Variants in EFCAB5 observed in about 807,000 individuals in gnomAD.
EFCAB5 encodes EF-hand calcium binding domain 5.
A neutral mutation model predicts 167.9 loss-of-function variants in EFCAB5; 131 were observed. The ratio of observed to expected loss-of-function variants is 0.78; its 90% confidence interval spans 0.68 to 0.90. EFCAB5 has a LOEUF of 0.90. Ranked by LOEUF, EFCAB5 falls within the 40% of genes least tolerant of loss-of-function variation. The probability of loss-of-function intolerance (pLI) is 0.00; values close to 1 mark genes in which losing one functional copy is unlikely to be tolerated. For missense variants in EFCAB5, 1,663 were observed against 1,745.2 expected (o/e 0.95, Z 0.84); for synonymous variants, 574 against 602.8 (o/e 0.95, Z 0.70).
intron 3 of EFCAB5, among the ~76,000 whole-genome samples, chr17:29,951,383 GC>G (rs1397934451): frequency 1.3e-5 from 2 of 152,042 alleles, no homozygotes; most frequent in African/African-American, 4.8e-5. Context: ...TGTCTCCCAG[GC>G]TGGAGTGCAG....
chr17:30,072,543 A>C (rs1180723337), intron 14 of EFCAB5, among the ~76,000 whole-genome samples: 2 of 152,196 alleles, frequency 1.3e-5, no homozygotes, highest in Non-Finnish European at 2.9e-5. Context: ...GGAATAAAGA[A>C]TCTCTAAGAA....
chr17:30,045,838 A>AAAAT lies in EFCAB5; in HGVS notation c.1201-5260_1201-5257dup, dbSNP rs146756432. Among the ~76,000 whole-genome samples, 546 of 151,862 alleles carry AAAAT rather than the reference A, an allele frequency of 3.6e-3. 4 individuals are homozygous for AAAAT. Among genetic ancestry groups the AAAAT allele is most frequent in the African/African-American group, 0.013 (519 of 41,462 alleles). On this transcript the variant is annotated intron_variant, in intron 8 of 22. Transcript: ENST00000394835. The stretch of plus-strand genomic sequence containing the variant: ...AACATAGTGAGACCTGGTCTCTACA[A>AAAAT]AAATAAATAAATAAATAAATAAAAT...
chr17:30,055,322 G>GAGGAAGGAAGGAAGGA (rs71138869), intron 10 of EFCAB5, among the ~76,000 whole-genome samples: 76 of 106,818 alleles, frequency 7.1e-4, no homozygotes, highest in African/African-American at 2.5e-3. Flanking sequence ...GAGAGAGAGA[G>GAGGAAGGAAGGAAGGA]AGGAAGGAAG....
At chr17:30,001,668 T>C (rs1388689808) in intron 7 of EFCAB5, among the ~76,000 whole-genome samples, 2 of 152,150 alleles carry the variant, frequency 1.3e-5, no homozygotes, top group Non-Finnish European at 2.9e-5. Context: ...TAAAAGATAA[T>C]ATAAGTTCAT....
chr17:29,935,779 A>G (rs1359366709), intron 1 of EFCAB5, among the ~76,000 whole-genome samples: 2 of 151,940 alleles, frequency 1.3e-5, no homozygotes, highest in Non-Finnish European at 2.9e-5. Flanking sequence ...TTAGAAATTT[A>G]GAGGATTGGC....
chr17:30,056,248 T>A, intron 12 of EFCAB5, 92 bp downstream of exon 12: 1 of 1,167,554 alleles, frequency 8.6e-7, no homozygotes, highest in Non-Finnish European at 1.2e-6. Context: ...TGAATTTAGC[T>A]AAGGCAGAAT....
At chr17:30,036,576 T>G (rs1285772407) in intron 8 of EFCAB5, among the ~76,000 whole-genome samples, 4 of 151,508 alleles carry the variant, frequency 2.6e-5, no homozygotes, top group Non-Finnish European at 4.4e-5. Flanking sequence ...ACTACAGGCA[T>G]GTACCACCAT....
intron 7 of EFCAB5, among the ~76,000 whole-genome samples, chr17:30,031,573 T>C (rs1418467000): frequency 6.6e-6 from 1 of 152,196 alleles, no homozygotes; most frequent in African/African-American, 2.4e-5. Context: ...GTGAGGTAAC[T>C]ACTACTGTGA....
chr17:29,993,125 G>A lies in EFCAB5; in HGVS notation c.768-40G>A, dbSNP rs373274659. The stretch of plus-strand genomic sequence containing the variant: ...TGTTCCAATCTGGACCAAATCCAAG[G>A]GTATTAACTCAACATGTTTTCTATA... On this transcript the variant is annotated intron_variant, in intron 4 of 22. Coordinates refer to ENST00000394835, the MANE Select transcript of EFCAB5 (RefSeq NM_198529.4). 6 of 1,531,120 alleles carry A rather than the reference G, an allele frequency of 3.9e-6. No homozygotes were observed. In the African/African-American group the frequency reaches 6.9e-5, roughly 18 times the overall value. The allele number at this position is 1,531,120 out of a possible 1,614,324, so 94.8% of individuals were successfully genotyped here.
At chr17:30,069,002 AGCAAGTGAAG>A (rs2070655380) in intron 14 of EFCAB5, 5 of 1,433,126 alleles carry the variant, frequency 3.5e-6, no homozygotes, top group Non-Finnish European at 3.9e-6. Context: ...ATACATTCCC[AGCAAGTGAAG>A]GAGCACAGGA....
At chr17:30,007,681 C>T (rs1419789706) in intron 7 of EFCAB5, among the ~76,000 whole-genome samples, 1 of 152,080 alleles carries the variant, frequency 6.6e-6, no homozygotes, top group Non-Finnish European at 1.5e-5. Context: ...CCTTTTGCAT[C>T]TCTGAAATCA....
rs553811902 is a variant in EFCAB5 at position 30,050,434 on chromosome 17, C to G, written c.1201-684C>G. ...ACAGGCGTGAGCCACCGCGCCTGGC[C>G]TATATCAGGTTTTTTTGTTTTTGTT... is the stretch of plus-strand genomic sequence containing the variant. On this transcript the variant is annotated intron_variant, in intron 8 of 22. Coordinates refer to ENST00000394835, the MANE Select transcript of EFCAB5 (RefSeq NM_198529.4). 1.1e-4 allele frequency among the ~76,000 whole-genome samples: 16 copies of G among 152,232 alleles called. No homozygotes were observed. The South Asian group carries it at 2.5e-3, about 24-fold the overall frequency.
intron 22 of EFCAB5, 78 bp from the exon 23 acceptor site, chr17:30,107,756 A>T: frequency 8.2e-7 from 1 of 1,223,810 alleles, no homozygotes; most frequent in Non-Finnish European, 1.1e-6. Context: ...AACTTTAATC[A>T]TAATATTAGA....
chr17:29,930,767 C>T (rs1466845407), intron 1 of EFCAB5, among the ~76,000 whole-genome samples: 1 of 151,952 alleles, frequency 6.6e-6, no homozygotes, highest in African/African-American at 2.4e-5. Context: ...CGTTTGATAC[C>T]CTGGAAAGGT....
At chr17:30,055,408 AAG>A (rs2070231877) in intron 10 of EFCAB5, among the ~76,000 whole-genome samples, 1 of 152,196 alleles carries the variant, frequency 6.6e-6, no homozygotes, top group African/African-American at 2.4e-5. Flanking sequence ...TTAGTAAGGA[AAG>A]AAAGAAAATT....
chr17:29,979,516 C>G (rs79029685), intron 4 of EFCAB5, among the ~76,000 whole-genome samples: 9,059 of 152,190 alleles, frequency 0.06, 510 homozygotes, highest in African/African-American at 0.15. Flanking sequence ...ATTAACTAAT[C>G]AAAACCACCA....
intron 22 of EFCAB5, among the ~76,000 whole-genome samples, chr17:30,098,451 G>C (rs2071334793): frequency 6.6e-6 from 1 of 150,928 alleles, no homozygotes; most frequent in African/African-American, 2.4e-5. Flanking sequence ...AGGATCGCTT[G>C]AACCCAAGAG....
intron 7 of EFCAB5, among the ~76,000 whole-genome samples, chr17:30,024,190 G>A (rs944213893): frequency 5.9e-4 from 89 of 152,070 alleles, no homozygotes; most frequent in African/African-American, 2.1e-3. Context: ...AGGGCAATTA[G>A]GCAGGAGAAG....
At chr17:29,973,609 C>T (rs1208007060) in intron 4 of EFCAB5, among the ~76,000 whole-genome samples, 1 of 146,758 alleles carries the variant, frequency 6.8e-6, no homozygotes. Context: ...TCCTGAGTAG[C>T]TGGGATTACA....
Sources: allele counts gnomAD v4.1 joint callset (sites outside exome capture counted in the v4.1 genomes callset), GRCh38; gene constraint gnomAD v4.1.1; transcripts MANE v1.5; gene names NCBI Gene and HGNC (gene_info 2026-07-23, HGNC 2026-07-21).